The following HDDC2 variants were observed in gnomAD, a reference collection of about 807,000 sequenced individuals.
The protein encoded by HDDC2 is HD domain containing 2, also known as 5'-deoxynucleotidase HDDC2.
HDDC2 carries 25 observed loss-of-function variants against 25.5 expected under a neutral mutation model. The observed-to-expected ratio is 0.98, with a 90% CI of 0.72 to 1.37. HDDC2 has a LOEUF of 1.37. Ranked by LOEUF, HDDC2 falls within the 40% of genes most tolerant of loss-of-function variation. HDDC2 has a pLI of 0.00. For missense variants in HDDC2, 264 were observed against 253.1 expected (o/e 1.04, Z -0.29); for synonymous variants, 106 against 89.7 (o/e 1.18, Z -1.03).
At chr6:125,294,105 C>T (rs1373082031) in intron 3 of HDDC2, among the ~76,000 whole-genome samples, 6 of 152,216 alleles carry the variant, frequency 3.9e-5, no homozygotes, top group African/African-American at 1.4e-4. Flanking sequence ...CCTTCACCAC[C>T]TTCATCCCAT....
intron 4 of HDDC2, among the ~76,000 whole-genome samples, chr6:125,284,380 T>C (rs1798502146): frequency 6.6e-6 from 1 of 152,154 alleles, no homozygotes; most frequent in South Asian, 2.1e-4. Flanking sequence ...ACAGGCAACC[T>C]ACAGAATGGG....
At chr6:125,300,139 C>G (rs1190024060) in intron 2 of HDDC2, 1 of 157,778 alleles carries the variant, frequency 6.3e-6, no homozygotes, top group Non-Finnish European at 1.4e-5. Context: ...GGAGAAGATA[C>G]CTCTTTCTCA....
intron 2 of HDDC2, among the ~76,000 whole-genome samples, chr6:125,299,586 A>G (rs942469017): frequency 6.6e-6 from 1 of 152,202 alleles, no homozygotes; most frequent in Non-Finnish European, 1.5e-5. Flanking sequence ...ACAAGGCCCA[A>G]CAGTGTCCTC....
chr6:125,290,216 T>C (rs1470209596), intron 4 of HDDC2, among the ~76,000 whole-genome samples: 1 of 152,078 alleles, frequency 6.6e-6, no homozygotes, highest in Non-Finnish European at 1.5e-5. Flanking sequence ...CAGAGAAAAA[T>C]AGAGCTTACT....
chr6:125,294,426 T>A (rs988308548), intron 3 of HDDC2, among the ~76,000 whole-genome samples: 9 of 152,200 alleles, frequency 5.9e-5, no homozygotes, highest in African/African-American at 2.2e-4. Flanking sequence ...ACACTACCCT[T>A]AGTAGGAAGG....
intron 4 of HDDC2, 62 bp downstream of exon 4, chr6:125,292,779 C>A (rs1562445703): frequency 8.1e-7 from 1 of 1,233,450 alleles, no homozygotes; most frequent in East Asian, 2.3e-5. Context: ...TCAAGTACAA[C>A]ATCAGGGAGC....
intron 4 of HDDC2, among the ~76,000 whole-genome samples, chr6:125,289,514 A>C (rs1798598397): frequency 7.2e-6 from 1 of 138,242 alleles, no homozygotes; most frequent in African/African-American, 3.1e-5. Context: ...ACAAAACAAA[A>C]CAAAAAAAAC....
In HDDC2 at chr6:125,300,661, T is replaced by C; in HGVS notation, c.85-2A>G. 1 of 1,608,840 alleles carries C rather than the reference T, an allele frequency of 6.2e-7. No individual in the cohort carries two copies. Among genetic ancestry groups the C allele is most frequent in the East Asian group, 2.2e-5 (1 of 44,862 alleles). Reference sequence around the variant, plus strand: ...TACCCAGCCAGTTCGTGGGACTCTCTGATAAATATGAAGAAGAAAAAGAAG... The same window carrying C: ...TACCCAGCCAGTTCGTGGGACTCTCCGATAAATATGAAGAAGAAAAAGAAG... On this transcript the variant is annotated splice_acceptor_variant, in intron 1 of 5. Coordinates refer to ENST00000398153, the MANE Select transcript of HDDC2 (RefSeq NM_016063.3). LOFTEE classifies it high-confidence loss of function.
At chr6:125,281,438 T>C (rs766730987) in intron 4 of HDDC2, among the ~76,000 whole-genome samples, 3 of 152,080 alleles carry the variant, frequency 2.0e-5, no homozygotes, top group Non-Finnish European at 4.4e-5. Context: ...TCTAACCCAA[T>C]GCAAGGAAGC....
intron 4 of HDDC2, among the ~76,000 whole-genome samples, chr6:125,284,502 AG>A (rs1343294691): frequency 1.3e-5 from 2 of 152,352 alleles, no homozygotes; most frequent in South Asian, 2.1e-4. Flanking sequence ...AAGTGGGCAA[AG>A]GATATGAACA....
chr6:125,277,838 T>C (rs1798394177), intron 4 of HDDC2: 1 of 152,270 alleles, frequency 6.6e-6, no homozygotes, highest in East Asian at 1.9e-4. Context: ...TGTGCATGTG[T>C]TGCAGGTGGG....
intron 4 of HDDC2, among the ~76,000 whole-genome samples, chr6:125,281,021 C>A (rs1343307103): frequency 6.6e-6 from 1 of 152,234 alleles, no homozygotes; most frequent in African/African-American, 2.4e-5. Context: ...AGGCAGCAAT[C>A]TTTGCTGTTC....
chr6:125,301,942 G>T lies in HDDC2; in HGVS notation c.-10C>A. 1 of 1,545,866 alleles carries T rather than the reference G, an allele frequency of 6.5e-7. No homozygotes were observed. The highest frequency in any genetic ancestry group is 8.7e-7 in the Non-Finnish European group (1 of 1,147,060). On this transcript the variant is annotated 5_prime_UTR_variant, in exon 1 of 6. Transcript: ENST00000398153. ...AGGAGACCGAAGCCATGCGGCCACC[G>T]ACCCCGGCTGGGCGGAGCAGGCCGC... is the stretch of plus-strand genomic sequence containing the variant.
chr6:125,277,027 C>T, intron 5 of HDDC2, 75 bp downstream of exon 5: 1 of 1,472,316 alleles, frequency 6.8e-7, no homozygotes, highest in Non-Finnish European at 9.4e-7. Context: ...AGTGGGTTTC[C>T]CTAATATTAA....
chr6:125,301,320 T>A (rs1000913388), intron 1 of HDDC2, among the ~76,000 whole-genome samples: 3 of 151,658 alleles, frequency 2.0e-5, no homozygotes, highest in African/African-American at 7.3e-5. Flanking sequence ...GTTTGGGGGG[T>A]GGCCGGGAGA....
intron 4 of HDDC2, among the ~76,000 whole-genome samples, chr6:125,279,752 G>A (rs1165673393): frequency 6.6e-6 from 1 of 152,040 alleles, no homozygotes; most frequent in East Asian, 1.9e-4. Flanking sequence ...ATAAGCAACA[G>A]AAAAGCACAA....
Position 125,290,593 on chromosome 6 carries a change from G to A in HDDC2, c.378+2248C>T, listed in dbSNP as rs76003871. On this transcript the variant is annotated intron_variant, in intron 4 of 5. Coordinates refer to ENST00000398153, the MANE Select transcript of HDDC2 (RefSeq NM_016063.3). ...AGACGTGGTCTTACTTGATGAGAGC[G>A]GACCCTTATTCAATAGAGAGAAATT... is the stretch of plus-strand genomic sequence containing the variant. 6.1e-4 allele frequency among the ~76,000 whole-genome samples: 93 copies of A among 152,220 alleles called. No homozygotes were observed. The East Asian group carries it at 0.015, about 24-fold the overall frequency.
At chr6:125,278,525 A>G (rs1162345251) in intron 4 of HDDC2, 2 of 152,240 alleles carry the variant, frequency 1.3e-5, no homozygotes, top group Non-Finnish European at 2.9e-5. Context: ...TTTCCCTCAA[A>G]AATTAATGAT....
intron 3 of HDDC2, among the ~76,000 whole-genome samples, chr6:125,294,897 A>G (rs1367480126): frequency 6.6e-6 from 1 of 152,230 alleles, no homozygotes; most frequent in Non-Finnish European, 1.5e-5. Flanking sequence ...CAAAATCACC[A>G]TATTCTTTAA....
Sources: gnomAD v4.1 joint callset for allele counts (sites outside exome capture counted in the v4.1 genomes callset) on GRCh38, gnomAD v4.1.1 for gene constraint, MANE v1.5 for transcripts, NCBI Gene and HGNC (gene_info 2026-07-23, HGNC 2026-07-21) for gene names.